Variants in MSR1 observed in about 807,000 individuals in gnomAD.
The protein encoded by MSR1 is macrophage scavenger receptor 1.
In MSR1, 53 loss-of-function variants were observed where a neutral mutation model predicts 47.2. The observed-to-expected ratio is 1.12, with a 90% confidence interval of 0.90 to 1.41. The LOEUF (loss-of-function observed/expected upper bound fraction) is 1.41, where lower values mean the gene tolerates loss of function less well. Among genes scored for constraint, MSR1 ranks in the 40% most tolerant of loss-of-function variants. The pLI, the probability that MSR1 is intolerant of heterozygous loss-of-function variation, is 0.00. For synonymous variants in MSR1, 239 were observed against 185.6 expected (o/e 1.29, Z -2.34); for missense variants, 786 against 546.9 (o/e 1.44, Z -4.36).
At chr8:16,186,111 T>C in intron 1 of MSR1, 2 of 1,457,062 alleles carry the variant, frequency 1.4e-6, no homozygotes, top group South Asian at 1.2e-5. Context: ...AATAAATGTA[T>C]AAAAATGAAA....
intron 2 of MSR1, among the ~76,000 whole-genome samples, chr8:16,176,278 G>A (rs897813784): frequency 5.9e-5 from 9 of 152,098 alleles, no homozygotes; most frequent in African/African-American, 1.2e-4. Context: ...AGGCCAAGGC[G>A]GGAGGATGGC....
chr8:16,190,952 C>G (rs1003503684), intron 1 of MSR1, among the ~76,000 whole-genome samples: 3 of 152,080 alleles, frequency 2.0e-5, no homozygotes, highest in African/African-American at 7.2e-5. Context: ...AACTCCCGAC[C>G]TCAGGTAATC....
rs183444788 is a variant in MSR1 at position 16,147,978 on chromosome 8, T to A, written c.979+2253A>T. 5.8e-4 allele frequency among the ~76,000 whole-genome samples: 89 copies of A among 152,250 alleles called. 1 individual carries two copies. Among genetic ancestry groups the A allele is most frequent in the African/African-American group, 2.1e-3 (87 of 41,558 alleles). On this transcript the variant is annotated intron_variant, in intron 7 of 9. Coordinates refer to ENST00000262101, the MANE Select transcript of MSR1 (RefSeq NM_138715.3). ...ATCCCAGACCTACTGCATCAGAAAC[T>A]CTGGGGTGGAGTCCTGTAAGCTGTT...
intron 8 of MSR1, among the ~76,000 whole-genome samples, chr8:16,123,591 TG>T (rs1800059923): frequency 6.7e-6 from 1 of 150,290 alleles, no homozygotes. Flanking sequence ...TATATGTGTG[TG>T]TGTGTGTGTG....
chr8:16,181,951 G>T (rs1801845881), intron 1 of MSR1, among the ~76,000 whole-genome samples: 1 of 152,148 alleles, frequency 6.6e-6, no homozygotes, highest in Non-Finnish European at 1.5e-5. Flanking sequence ...TGTCAATTAA[G>T]GACAAAGATA....
intron 8 of MSR1, among the ~76,000 whole-genome samples, chr8:16,128,206 C>A (rs1268687758): frequency 2.0e-5 from 3 of 152,086 alleles, no homozygotes; most frequent in African/African-American, 7.2e-5. Flanking sequence ...GAGATCCTGC[C>A]CACAGACAGA....
In MSR1 at chr8:16,108,283, G is replaced by C. The variant is rs1799680616; in HGVS notation, c.*1802C>G. The C allele has an allele frequency of 6.7e-6, 1 of 150,302 alleles. No individual in the cohort carries two copies. The highest frequency in any genetic ancestry group is 2.4e-5 in the African/African-American group (1 of 40,910). 9.3% of individuals were successfully genotyped at this position (150,302 alleles called of 1,614,324 possible). A position where few individuals can be genotyped will look rare whatever the true frequency, so the allele number is the denominator to read the frequency against. On this transcript the variant is annotated 3_prime_UTR_variant, in exon 10 of 10. Transcript: ENST00000262101. ...TAAAATAAAAATAGTAATAGTAATA[G>C]TACTATTATTAGTGTTAATAATACT...
intron 8 of MSR1, among the ~76,000 whole-genome samples, chr8:16,123,287 G>C (rs1191017266): frequency 6.6e-6 from 1 of 152,118 alleles, no homozygotes; most frequent in Non-Finnish European, 1.5e-5. Flanking sequence ...TAATATAGAG[G>C]AAAGGCGTCT....
At chr8:16,188,579 G>C (rs992930719) in intron 1 of MSR1, among the ~76,000 whole-genome samples, 9 of 151,960 alleles carry the variant, frequency 5.9e-5, no homozygotes, top group African/African-American at 1.9e-4. Context: ...ATGCCATGGT[G>C]GTTTGCTGCA....
intron 5 of MSR1, among the ~76,000 whole-genome samples, chr8:16,162,446 A>G (rs1801187775): frequency 6.6e-6 from 1 of 152,076 alleles, no homozygotes; most frequent in Non-Finnish European, 1.5e-5. Context: ...GTGCTTTTAG[A>G]ACGGAGAACA....
intron 3 of MSR1, among the ~76,000 whole-genome samples, chr8:16,171,898 T>A (rs1801498498): frequency 6.6e-6 from 1 of 152,170 alleles, no homozygotes. Flanking sequence ...ATAAATGGGG[T>A]ACTAATAGTC....
chr8:16,172,777 T>C (rs1043709267), intron 3 of MSR1, among the ~76,000 whole-genome samples: 3 of 152,110 alleles, frequency 2.0e-5, no homozygotes, highest in Admixed American at 2.0e-4. Context: ...TAAGAAAAGA[T>C]TGTAAATGGA....
chr8:16,188,082 T>G (rs1020454748), intron 1 of MSR1, among the ~76,000 whole-genome samples: 64 of 152,234 alleles, frequency 4.2e-4, no homozygotes, highest in African/African-American at 1.5e-3. Flanking sequence ...GTCAGTGTGC[T>G]GATAAACGAT....
intron 2 of MSR1, among the ~76,000 whole-genome samples, chr8:16,177,309 G>A (rs989247640): frequency 1.8e-4 from 27 of 152,032 alleles, no homozygotes; most frequent in Non-Finnish European, 3.7e-4. Context: ...GTCTTTGTAA[G>A]AAAAGAACAA....
At chr8:16,185,475 A>AT (rs1329080245) in intron 1 of MSR1, among the ~76,000 whole-genome samples, 1 of 152,116 alleles carries the variant, frequency 6.6e-6, no homozygotes, top group African/African-American at 2.4e-5. Flanking sequence ...ATACCCACTT[A>AT]TTATTATCAT....
intron 9 of MSR1, among the ~76,000 whole-genome samples, chr8:16,117,113 C>T (rs1246508699): frequency 6.6e-6 from 1 of 152,172 alleles, no homozygotes; most frequent in Admixed American, 6.5e-5. Flanking sequence ...CAAAGCTGCA[C>T]AGCAGGAGGT....
chr8:16,187,463 G>A (rs1336132005), intron 1 of MSR1, among the ~76,000 whole-genome samples: 3 of 150,344 alleles, frequency 2.0e-5, no homozygotes. Flanking sequence ...ACAACCCCTT[G>A]GGGCTTTGTC....
At chr8:16,143,983 T>G (rs1800630405) in intron 7 of MSR1, among the ~76,000 whole-genome samples, 2 of 152,058 alleles carry the variant, frequency 1.3e-5, no homozygotes, top group South Asian at 4.1e-4. Context: ...ATCCCGTTCT[T>G]ATATTCACAT....
intron 8 of MSR1, 173 bp from the exon 9 acceptor site, chr8:16,120,779 G>C: frequency 1.2e-6 from 1 of 810,036 alleles, no homozygotes; most frequent in Non-Finnish European, 1.9e-6. Flanking sequence ...TATTGGTAAA[G>C]AGTTTAACTG....
Sources: allele counts gnomAD v4.1 joint callset (sites outside exome capture counted in the v4.1 genomes callset), GRCh38; gene constraint gnomAD v4.1.1; transcripts MANE v1.5; gene names NCBI Gene and HGNC (gene_info 2026-07-23, HGNC 2026-07-21).